CALCR: variants seen among roughly 807,000 people sequenced by gnomAD.
CALCR encodes calcitonin receptor.
CALCR carries 47 observed loss-of-function variants against 59.5 expected under a neutral mutation model. That is an observed-to-expected ratio of 0.79 (90% CI 0.63 to 1.01). The LOEUF (loss-of-function observed/expected upper bound fraction) is 1.01, where lower values mean the gene tolerates loss of function less well. Among genes scored for constraint, CALCR ranks in the 50% least tolerant of loss-of-function variants. CALCR has a pLI of 0.00. For missense variants in CALCR, 566 were observed against 597.1 expected (o/e 0.95, Z 0.54); for synonymous variants, 213 against 211.3 (o/e 1.01, Z -0.07).
intron 2 of CALCR, among the ~76,000 whole-genome samples, chr7:93,535,899 T>C (rs1251829560): frequency 6.6e-6 from 1 of 151,818 alleles, no homozygotes; most frequent in African/African-American, 2.4e-5. Flanking sequence ...ATATGTAAAG[T>C]TCTCTGGTTA....
intron 8 of CALCR, among the ~76,000 whole-genome samples, chr7:93,449,347 C>T (rs751511538): frequency 6.6e-6 from 1 of 151,986 alleles, no homozygotes. Flanking sequence ...TTAAGAGAGA[C>T]TGAATGATAA....
At chr7:93,566,078 A>AT (rs917974128) in intron 2 of CALCR, among the ~76,000 whole-genome samples, 2 of 151,988 alleles carry the variant, frequency 1.3e-5, no homozygotes, top group Non-Finnish European at 2.9e-5. Flanking sequence ...TATTAAAGAG[A>AT]TTTTTTTCCT....
chr7:93,477,623 T>G lies in CALCR; in HGVS notation c.251A>C (p.Asp84Ala), dbSNP rs773795966. The part of the protein sequence containing the change: ...RTWDGWLCWD[D>A]TPAGVLSYQF... ...ATAGGACAATACTCCAGCCGGTGTG[T>G]CATCCCAGCACAGCCATCCATCCCA... Residue 84 changes from aspartate (D) to alanine (A), a missense_variant, in exon 5 of 14, where the codon GAC becomes GCC. Asp to Ala is a moderately radical substitution (Grantham distance 126). Transcript: ENST00000426151. 1.2e-6 allele frequency: 2 copies of G among 1,611,566 alleles called. No homozygotes were observed. The highest frequency in any genetic ancestry group is 1.7e-6 in the Non-Finnish European group (2 of 1,178,508).
intron 2 of CALCR, among the ~76,000 whole-genome samples, chr7:93,559,184 A>G (rs2116259368): frequency 6.6e-6 from 1 of 152,280 alleles, no homozygotes; most frequent in Non-Finnish European, 1.5e-5. Flanking sequence ...TTTAAAAATT[A>G]GTAGGCACAT....
chr7:93,434,493 G>A (rs533102610), intron 12 of CALCR, among the ~76,000 whole-genome samples, 199 bp from the exon 13 acceptor site: 4 of 151,328 alleles, frequency 2.6e-5, no homozygotes, highest in Non-Finnish European at 5.9e-5. Context: ...GGATTCCATC[G>A]TTTGGCTAGA....
intron 2 of CALCR, among the ~76,000 whole-genome samples, chr7:93,496,960 C>T (rs1352857963): frequency 6.6e-6 from 1 of 151,528 alleles, no homozygotes; most frequent in Non-Finnish European, 1.5e-5. Context: ...TTCATTATTA[C>T]AGGAACTAAC....
At chr7:93,573,040 G>A (rs1812823228) in intron 2 of CALCR, among the ~76,000 whole-genome samples, 1 of 152,134 alleles carries the variant, frequency 6.6e-6, no homozygotes, top group Admixed American at 6.5e-5. Context: ...AGTATCCACT[G>A]AGAATACCAA....
At chr7:93,527,766 A>G (rs1788709035) in intron 2 of CALCR, among the ~76,000 whole-genome samples, 1 of 152,150 alleles carries the variant, frequency 6.6e-6, no homozygotes, top group South Asian at 2.1e-4. Context: ...GAAGCACTTT[A>G]CTCAATGGAG....
chr7:93,467,139 A>G (rs568105477), intron 7 of CALCR, among the ~76,000 whole-genome samples: 1 of 151,934 alleles, frequency 6.6e-6, no homozygotes, highest in Admixed American at 6.6e-5. Flanking sequence ...TGATGTGTTT[A>G]TTTACCATAA....
intron 2 of CALCR, among the ~76,000 whole-genome samples, chr7:93,493,693 T>G (rs1304438021): frequency 1.3e-5 from 2 of 151,352 alleles, no homozygotes; most frequent in African/African-American, 4.8e-5. Flanking sequence ...AGGACCCCCT[T>G]AAAGTAACAA....
At chr7:93,469,567 C>G (rs1443279609) in intron 6 of CALCR, among the ~76,000 whole-genome samples, 1 of 151,498 alleles carries the variant, frequency 6.6e-6, no homozygotes, top group Non-Finnish European at 1.5e-5. Flanking sequence ...TTCTGTGTTT[C>G]TGGTCTCTCT....
chr7:93,443,608 G>A lies in CALCR; in HGVS notation c.798C>T (p.Gly266=), dbSNP rs768250423. 12 of 1,612,730 alleles carry A rather than the reference G, an allele frequency of 7.4e-6. No homozygotes were observed. The South Asian group carries it at 1.2e-4, about 16-fold the overall frequency. ...TTAGCTGCAGAAAATACATACCCCAGCCCAAGAGATAATACCACCGCAAGC... is the reference window on the plus strand; with the variant it reads ...TTAGCTGCAGAAAATACATACCCCAACCCAAGAGATAATACCACCGCAAGC... ...KQRLRWYYLL[G]WGFPLVPTTI... is the part of the protein sequence containing the mutation. Residue 266 remains glycine (G), a synonymous_variant, in exon 9 of 14, where the codon GGC becomes GGT. Transcript: ENST00000426151.
chr7:93,568,654 T>G (rs1195478369), intron 2 of CALCR, among the ~76,000 whole-genome samples: 2 of 151,968 alleles, frequency 1.3e-5, no homozygotes, highest in Non-Finnish European at 2.9e-5. Flanking sequence ...TAAGATGTTT[T>G]ACTTTTCTTT....
At chr7:93,547,119 G>C (rs1020994838) in intron 2 of CALCR, among the ~76,000 whole-genome samples, 1 of 152,080 alleles carries the variant, frequency 6.6e-6, no homozygotes, top group Non-Finnish European at 1.5e-5. Flanking sequence ...CTCATGGTAC[G>C]GACCTCTTAG....
intron 2 of CALCR, among the ~76,000 whole-genome samples, chr7:93,559,079 C>T (rs1305472141): frequency 6.6e-6 from 1 of 152,062 alleles, no homozygotes; most frequent in Non-Finnish European, 1.5e-5. Flanking sequence ...AAAAAAAATT[C>T]TTGTCCCTGT....
intron 2 of CALCR, chr7:93,496,081 T>C: frequency 1.6e-6 from 1 of 606,132 alleles, no homozygotes; most frequent in Non-Finnish European, 2.8e-6. Context: ...AAATTATCTT[T>C]ATTTTTTGTG....
chr7:93,498,736 T>C (rs1434459111), intron 2 of CALCR, among the ~76,000 whole-genome samples: 2 of 151,822 alleles, frequency 1.3e-5, no homozygotes, highest in East Asian at 1.9e-4. Flanking sequence ...AAATCTGTGT[T>C]CTTAGTCACT....
At chr7:93,481,930 C>A (rs1451627281) in intron 3 of CALCR, among the ~76,000 whole-genome samples, 1 of 151,814 alleles carries the variant, frequency 6.6e-6, no homozygotes, top group Non-Finnish European at 1.5e-5. Flanking sequence ...ACTTGATGAG[C>A]CCAACATTGT....
chr7:93,454,618 A>C (rs891755485), intron 8 of CALCR, among the ~76,000 whole-genome samples: 16 of 140,068 alleles, frequency 1.1e-4, no homozygotes, highest in African/African-American at 3.0e-4. Flanking sequence ...GATAGAACAA[A>C]AAAAAAAAAT....
Sources: allele counts gnomAD v4.1 joint callset (sites outside exome capture counted in the v4.1 genomes callset), GRCh38; gene constraint gnomAD v4.1.1; transcripts MANE v1.5; gene names NCBI Gene and HGNC (gene_info 2026-07-23, HGNC 2026-07-21).